The following ACACA variants were observed in gnomAD, a reference collection of about 807,000 sequenced individuals.
The protein encoded by ACACA is acetyl-CoA carboxylase 1.
ACACA carries 103 observed loss-of-function variants against 296.1 expected under a neutral mutation model. The ratio of observed to expected loss-of-function variants is 0.35; its 90% CI spans 0.30 to 0.41. The LOEUF is 0.41. Ranked by LOEUF, ACACA falls within the 10% of genes least tolerant of loss-of-function variation. The pLI, the probability that ACACA is intolerant of heterozygous loss-of-function variation, is 1.00. For missense variants in ACACA, 1,554 were observed against 2,989.7 expected, an observed-to-expected ratio of 0.52 and a Z score of 11.20; for synonymous variants, 953 against 1,038.6, an observed-to-expected ratio of 0.92 and a Z score of 1.58.
intron 41 of ACACA, among the ~76,000 whole-genome samples, chr17:37,178,483 T>A (rs1162917162): frequency 6.6e-6 from 1 of 152,152 alleles, no homozygotes; most frequent in Non-Finnish European, 1.5e-5. Context: ...AGAAAAAACA[T>A]TAAGCAAAAC....
chr17:37,247,308 A>G (rs543740809), intron 18 of ACACA, among the ~76,000 whole-genome samples: 1 of 151,968 alleles, frequency 6.6e-6, no homozygotes, highest in Admixed American at 6.5e-5. Context: ...TGTTCTACAC[A>G]TTTTCAACAT....
intron 1 of ACACA, among the ~76,000 whole-genome samples, chr17:37,366,777 G>A (rs886969201): frequency 5.0e-5 from 7 of 139,962 alleles, no homozygotes; most frequent in South Asian, 4.3e-4. Context: ...ACAATGTCAC[G>A]TCTTTTTAAA....
At chr17:37,326,428 G>A (rs2047625005) in intron 3 of ACACA, among the ~76,000 whole-genome samples, 1 of 152,016 alleles carries the variant, frequency 6.6e-6, no homozygotes, top group African/African-American at 2.4e-5. Flanking sequence ...CTACTCAGGA[G>A]GCTGAGGCAG....
chr17:37,271,724 CTT>C (rs1018902325), intron 9 of ACACA, among the ~76,000 whole-genome samples: 16 of 151,554 alleles, frequency 1.1e-4, no homozygotes, highest in Non-Finnish European at 2.2e-4. Context: ...AATCCCAACA[CTT>C]TGAGAGGCTG....
intron 41 of ACACA, among the ~76,000 whole-genome samples, chr17:37,173,982 T>TTATTTATATATATA (rs1555573869): frequency 1.0e-4 from 2 of 19,450 alleles, no homozygotes; most frequent in Non-Finnish European, 2.1e-4. Flanking sequence ...CCTGGCTAAT[T>TTATTTATATATATA]TATATATATA....
intron 1 of ACACA, among the ~76,000 whole-genome samples, chr17:37,362,231 G>T (rs756788144): frequency 2.9e-4 from 44 of 152,152 alleles, no homozygotes; most frequent in Non-Finnish European, 5.9e-4. Context: ...CCAGTTTGTG[G>T]TACTTTGCTA....
In ACACA at chr17:37,252,172, G is replaced by A. The variant is rs771483260; in HGVS notation, c.1978-64C>T. 11 of 1,302,714 alleles carry A rather than the reference G, an allele frequency of 8.4e-6. No homozygotes were observed. In the African/African-American group the frequency reaches 1.5e-4, roughly 17 times the overall value. The allele number at this position is 1,302,714 out of a possible 1,614,324, so 80.7% of individuals were successfully genotyped here. On this transcript the variant is annotated intron_variant, in intron 15 of 55. Coordinates refer to ENST00000616317, the MANE Select transcript of ACACA (RefSeq NM_198834.3). ...CACTTGGCACCACAGCCTCTCAAAT[G>A]AAATCAGGCTCAAATTTGTTGTGAT...
chr17:37,092,099 C>T (rs2072679561), intron 54 of ACACA, among the ~76,000 whole-genome samples: 1 of 151,628 alleles, frequency 6.6e-6, no homozygotes, highest in African/African-American at 2.4e-5. Context: ...CCAGCCTGGG[C>T]AACATGGCAA....
chr17:37,404,192 A>G (rs941343348), intron 1 of ACACA, among the ~76,000 whole-genome samples: 8 of 152,190 alleles, frequency 5.3e-5, no homozygotes, highest in Admixed American at 3.3e-4. Context: ...AGATCTGGAT[A>G]TTTGCCTTAG....
chr17:37,217,774 T>C (rs2079095270), intron 29 of ACACA, among the ~76,000 whole-genome samples: 5 of 148,588 alleles, frequency 3.4e-5, no homozygotes. Context: ...ACAACCTGTT[T>C]TCTCCCCCAA....
intron 39 of ACACA, among the ~76,000 whole-genome samples, chr17:37,181,627 C>T (rs2077320967): frequency 6.6e-6 from 1 of 151,986 alleles, no homozygotes; most frequent in South Asian, 2.1e-4. Flanking sequence ...AGGCCAGGCG[C>T]AGTGGCTCAC....
chr17:37,142,842 CCA>C (rs777355631), intron 45 of ACACA, among the ~76,000 whole-genome samples: 11 of 152,184 alleles, frequency 7.2e-5, no homozygotes, highest in Non-Finnish European at 1.2e-4. Context: ...GAATGTACTG[CCA>C]CAGTGAGGAC....
At chr17:37,405,181 C>A (rs1263528744) in intron 1 of ACACA, among the ~76,000 whole-genome samples, 1 of 152,172 alleles carries the variant, frequency 6.6e-6, no homozygotes. Flanking sequence ...AGCTAAGAGG[C>A]CTTCCTTATC....
intron 3 of ACACA, among the ~76,000 whole-genome samples, chr17:37,317,689 G>A (rs1245287704): frequency 6.6e-6 from 1 of 152,124 alleles, no homozygotes; most frequent in Non-Finnish European, 1.5e-5. Flanking sequence ...AAGAAAAGAG[G>A]GGGAAATGCA....
intron 3 of ACACA, among the ~76,000 whole-genome samples, chr17:37,296,301 CTTT>C (rs369893845): frequency 1.0e-5 from 1 of 100,352 alleles, no homozygotes. Flanking sequence ...TCTTTGGAGC[CTTT>C]TTTTTTTTTT....
intron 1 of ACACA, chr17:37,366,854 AAGGCAAT>A (rs1280958564): frequency 1.3e-5 from 2 of 152,016 alleles, no homozygotes; most frequent in African/African-American, 4.8e-5. Context: ...TTGGGAGGCC[AAGGCAAT>A]AGGGTTACCT....
rs184222598 is a variant in ACACA at position 37,156,299 on chromosome 17, G to A, written c.5350-519C>T. On this transcript the variant is annotated intron_variant, in intron 42 of 55. Transcript: ENST00000616317. ...AGGATGGTCTCAATCTCCTGACCTCGTGATCCGCCCGCCTCGGCCTCCCAA... is the reference window on the plus strand; with the variant it reads ...AGGATGGTCTCAATCTCCTGACCTCATGATCCGCCCGCCTCGGCCTCCCAA... Among the ~76,000 whole-genome samples the A allele has an allele frequency of 2.7e-4, 41 of 151,966 alleles. 1 individual carries two copies. The East Asian group carries it at 7.4e-3, about 27-fold the overall frequency.
chr17:37,297,457 A>T (rs1209712163), intron 3 of ACACA, among the ~76,000 whole-genome samples: 1 of 151,154 alleles, frequency 6.6e-6, no homozygotes, highest in South Asian at 2.1e-4. Context: ...AAAAAAAAAA[A>T]AAACCACACA....
rs759985588 is a variant in ACACA at position 37,330,353 on chromosome 17, T to C, written c.158A>G (p.His53Arg). 6.2e-7 allele frequency: 1 copy of C among 1,614,222 alleles called. No individual in the cohort carries two copies. The highest frequency in any genetic ancestry group is 8.5e-7 in the Non-Finnish European group (1 of 1,180,042). The change falls in exon 3 of 56, where the codon CAC (histidine) becomes CGC (arginine). Residue 53 changes from histidine to arginine, a missense_variant. By Grantham distance (29) the His-to-Arg change is conservative. Coordinates refer to ENST00000616317, the MANE Select transcript of ACACA (RefSeq NM_198834.3). The part of the protein sequence containing the change: ...PLAQPLELNQ[H>R]SRFIIGSVSE... ...CACAGAACCTATTATGAATCGAGAG[T>C]GCTGGTTCAGCTCCAGAGGTTGGGC...
Sources: allele counts gnomAD v4.1 joint callset (sites outside exome capture counted in the v4.1 genomes callset), GRCh38; gene constraint gnomAD v4.1.1; transcripts MANE v1.5; gene names NCBI Gene and HGNC (gene_info 2026-07-23, HGNC 2026-07-21).